Variants in NEXMIF observed in about 807,000 individuals in gnomAD.
NEXMIF encodes the protein neurite extension and migration factor, also known as XLMR protein related to neurite extension.
Under a neutral mutation model 62.1 loss-of-function variants are expected in NEXMIF, and 8 were observed. That is an observed-to-expected ratio of 0.13 (90% CI 0.08 to 0.23). The LOEUF (loss-of-function observed/expected upper bound fraction) is 0.23, where lower values mean the gene tolerates loss of function less well. NEXMIF is among the 10% of genes least tolerant of loss of function. The probability of loss-of-function intolerance (pLI) is 1.00; values close to 1 mark genes in which losing one functional copy is unlikely to be tolerated. For synonymous variants in NEXMIF, 404 were observed against 416.6 expected, an observed-to-expected ratio of 0.97 and a Z score of 0.37; for missense variants, 976 against 1,113.3, an observed-to-expected ratio of 0.88 and a Z score of 1.75.
chrX:74,879,521 T>A (rs1438999700), intron 1 of NEXMIF, among the ~76,000 whole-genome samples: 1 of 112,162 alleles, frequency 8.9e-6, no homozygotes, highest in Non-Finnish European at 1.9e-5. Flanking sequence ...TTGGACAATT[T>A]GTCATCATTT....
In NEXMIF at chrX:74,739,465, T is replaced by C. The variant is rs759562392; in HGVS notation, c.4491A>G (p.Thr1497=). The stretch of plus-strand genomic sequence containing the variant: ...CAAACACAGGTAAAACCCAAAAGGT[T>C]GTTTCTGCTTTTAGGAGATTGTAGT... ...DSDYNLLKAE[T]TFWVLPVFEE... The change falls in exon 4 of 4, where the codon ACA becomes ACG. Residue 1497 remains threonine, a synonymous_variant. Coordinates refer to ENST00000055682, the MANE Select transcript of NEXMIF (RefSeq NM_001008537.3). 2 of 1,200,722 alleles carry C rather than the reference T, an allele frequency of 1.7e-6. No homozygotes were observed. The highest frequency in any genetic ancestry group is 2.3e-4 in the Middle Eastern group (1 of 4,327).
chrX:74,828,933 C>T (rs1319065834), intron 1 of NEXMIF, among the ~76,000 whole-genome samples: 2 of 111,774 alleles, frequency 1.8e-5, no homozygotes, highest in African/African-American at 3.3e-5. Context: ...CACTCATGAC[C>T]GACAACACCT....
intron 1 of NEXMIF, among the ~76,000 whole-genome samples, chrX:74,776,225 C>T (rs1168245173): frequency 1.8e-5 from 2 of 111,560 alleles, no homozygotes; most frequent in Admixed American, 9.6e-5. Context: ...CATGAACAGG[C>T]GGCACAGACA....
Position 74,866,817 on chromosome X carries a change from G to A in NEXMIF, c.-48+58066C>T, listed in dbSNP as rs538250638. On this transcript the variant is annotated intron_variant, in intron 1 of 3. Coordinates refer to ENST00000055682, the MANE Select transcript of NEXMIF (RefSeq NM_001008537.3). ...TGCCTTTGCTCCCCCTTCACCTTCCGCCATGATTGTGAGGCCTCCTTAGCC... is the reference window on the plus strand; with the variant it reads ...TGCCTTTGCTCCCCCTTCACCTTCCACCATGATTGTGAGGCCTCCTTAGCC... Among the ~76,000 whole-genome samples the A allele has an allele frequency of 2.7e-4, 30 of 112,546 alleles. No homozygotes were observed. The South Asian group carries it at 9.9e-3, about 37-fold the overall frequency.
intron 1 of NEXMIF, among the ~76,000 whole-genome samples, chrX:74,790,181 G>A (rs1486817597): frequency 9.1e-6 from 1 of 109,456 alleles, no homozygotes; most frequent in African/African-American, 3.3e-5. Context: ...TCCAGTTTCA[G>A]CTTTCTACAT....
intron 1 of NEXMIF, among the ~76,000 whole-genome samples, chrX:74,880,168 C>T (rs1031660617): frequency 8.9e-6 from 1 of 112,143 alleles, no homozygotes; most frequent in Non-Finnish European, 1.9e-5. Flanking sequence ...TAGAGGACTA[C>T]TCATTTCCAC....
intron 1 of NEXMIF, among the ~76,000 whole-genome samples, chrX:74,845,706 T>G (rs1357747280): frequency 1.8e-5 from 2 of 111,518 alleles, no homozygotes; most frequent in East Asian, 2.8e-4. Flanking sequence ...ATGGCAACTT[T>G]TTTTGAACAC....
At chrX:74,877,502 G>A (rs1042790885) in intron 1 of NEXMIF, among the ~76,000 whole-genome samples, 1 of 110,874 alleles carries the variant, frequency 9.0e-6, no homozygotes, top group Non-Finnish European at 1.9e-5. Context: ...TATCTCTGGG[G>A]CGTTCTCTGT....
intron 1 of NEXMIF, among the ~76,000 whole-genome samples, chrX:74,872,453 G>A (rs2080605502): frequency 1.9e-5 from 2 of 104,540 alleles, no homozygotes; most frequent in South Asian, 4.5e-4. Context: ...GGTGGGGGGT[G>A]GTGGGGGGAA....
At chrX:74,841,593 C>G (rs765805287) in intron 1 of NEXMIF, among the ~76,000 whole-genome samples, 1 of 111,844 alleles carries the variant, frequency 8.9e-6, no homozygotes, top group South Asian at 3.8e-4. Context: ...TTTCCCCATT[C>G]CGCATGTTGT....
chrX:74,817,868 T>C (rs2080380941), intron 1 of NEXMIF, among the ~76,000 whole-genome samples: 1 of 110,743 alleles, frequency 9.0e-6, no homozygotes, highest in Non-Finnish European at 1.9e-5. Context: ...TAGCCAAAAA[T>C]TAATAAAATA....
intron 1 of NEXMIF, among the ~76,000 whole-genome samples, chrX:74,857,672 T>G (rs2080540270): frequency 8.9e-6 from 1 of 111,844 alleles, no homozygotes. Context: ...AGGTACCAAC[T>G]CAGCCACAGG....
At chrX:74,878,673 G>T (rs1479692399) in intron 1 of NEXMIF, among the ~76,000 whole-genome samples, 1 of 112,967 alleles carries the variant, frequency 8.9e-6, no homozygotes, top group Non-Finnish European at 1.9e-5. Flanking sequence ...CGAGCCAGGT[G>T]CAGGATAGAA....
At chrX:74,898,266 G>A (rs1341606055) in intron 1 of NEXMIF, among the ~76,000 whole-genome samples, 1 of 111,966 alleles carries the variant, frequency 8.9e-6, no homozygotes, top group Non-Finnish European at 1.9e-5. Context: ...GTAATGATAA[G>A]GGCACTTTAT....
At chrX:74,864,820 T>C (rs956031690) in intron 1 of NEXMIF, among the ~76,000 whole-genome samples, 1 of 110,898 alleles carries the variant, frequency 9.0e-6, no homozygotes, top group African/African-American at 3.3e-5. Context: ...GCAATTCTCA[T>C]GCCTCAGCCT....
chrX:74,780,513 C>T (rs988209762), intron 1 of NEXMIF, among the ~76,000 whole-genome samples: 2 of 108,525 alleles, frequency 1.8e-5, no homozygotes, highest in South Asian at 4.2e-4. Context: ...GGACTACAGG[C>T]GTGTGCCACC....
At chrX:74,821,785 C>T (rs1364737160) in intron 1 of NEXMIF, among the ~76,000 whole-genome samples, 6 of 111,059 alleles carry the variant, frequency 5.4e-5, no homozygotes, top group African/African-American at 1.6e-4. Flanking sequence ...GCCGGAGCGC[C>T]GTGGCTCAAT....
intron 1 of NEXMIF, among the ~76,000 whole-genome samples, chrX:74,828,520 T>C (rs1172662807): frequency 1.8e-5 from 2 of 112,191 alleles, no homozygotes; most frequent in Non-Finnish European, 3.8e-5. Context: ...TGTCATAAAA[T>C]GAATGTTACC....
At chrX:74,887,570 A>G (rs1258976975) in intron 1 of NEXMIF, among the ~76,000 whole-genome samples, 40 of 112,205 alleles carry the variant, frequency 3.6e-4, no homozygotes, top group Non-Finnish European at 6.2e-4. Context: ...TGGCCATCAG[A>G]GAAATGCAAA....
Sources: gnomAD v4.1 joint callset for allele counts (sites outside exome capture counted in the v4.1 genomes callset) on GRCh38, gnomAD v4.1.1 for gene constraint, MANE v1.5 for transcripts, NCBI Gene and HGNC (gene_info 2026-07-23, HGNC 2026-07-21) for gene names.